Variants in BACH2 observed in about 807,000 individuals in gnomAD.
The protein encoded by BACH2 is BACH transcriptional regulator 2, also known as transcription regulator protein BACH2.
Under a neutral mutation model 61.8 loss-of-function variants are expected in BACH2, and 5 were observed. The observed-to-expected ratio is 0.08, with a 90% CI of 0.04 to 0.17. The LOEUF (loss-of-function observed/expected upper bound fraction) is 0.17, where lower values mean the gene tolerates loss of function less well. Among genes scored for constraint, BACH2 ranks in the 10% least tolerant of loss-of-function variants. The pLI is 1.00. For synonymous variants in BACH2, 446 were observed against 440.1 expected (o/e 1.01, Z -0.17); for missense variants, 824 against 1,091.1 (o/e 0.76, Z 3.45).
intron 3 of BACH2, among the ~76,000 whole-genome samples, chr6:90,239,579 G>A (rs550233126): frequency 6.6e-5 from 10 of 152,244 alleles, no homozygotes; most frequent in African/African-American, 2.4e-4. Flanking sequence ...ATGTATGCAT[G>A]TACATGCTTT....
At chr6:90,261,424 T>C (rs1307954870) in intron 2 of BACH2, among the ~76,000 whole-genome samples, 1 of 152,186 alleles carries the variant, frequency 6.6e-6, no homozygotes, top group African/African-American at 2.4e-5. Flanking sequence ...TCCCTTAGTA[T>C]CTAAGCTCCT....
chr6:90,269,174 G>A (rs973047464), intron 2 of BACH2, among the ~76,000 whole-genome samples: 3 of 152,100 alleles, frequency 2.0e-5, no homozygotes, highest in African/African-American at 7.2e-5. Context: ...GCAGGGTTAG[G>A]TGGGGCTAAG....
chr6:90,015,158 T>C (rs536204288), intron 5 of BACH2, among the ~76,000 whole-genome samples: 2 of 152,342 alleles, frequency 1.3e-5, no homozygotes, highest in Admixed American at 6.5e-5. Context: ...TTACTGATAC[T>C]GAAAATTTGT....
chr6:90,262,413 C>A (rs78467749), intron 2 of BACH2, among the ~76,000 whole-genome samples: 1,894 of 152,252 alleles, frequency 0.012, 46 homozygotes, highest in African/African-American at 0.043. Flanking sequence ...CATTCCCAGG[C>A]CATTCAAGTG....
At chr6:90,167,319 T>G (rs1378223438) in intron 4 of BACH2, among the ~76,000 whole-genome samples, 2 of 152,106 alleles carry the variant, frequency 1.3e-5, no homozygotes, top group African/African-American at 4.8e-5. Flanking sequence ...CCTAGGTGGG[T>G]GTCATTTTGG....
intron 1 of BACH2, among the ~76,000 whole-genome samples, chr6:90,295,151 T>C (rs1772300276): frequency 6.6e-6 from 1 of 151,822 alleles, no homozygotes; most frequent in South Asian, 2.1e-4. Flanking sequence ...CCGGTCCCTC[T>C]CGTTTCCTGG....
In BACH2 at chr6:90,097,017, A is replaced by G. The variant is rs561672912; in HGVS notation, c.-161-7908T>C. Among the ~76,000 whole-genome samples the G allele has an allele frequency of 9.8e-5, 15 of 152,300 alleles. No individual in the cohort carries two copies. The East Asian group carries it at 1.9e-3, about 20-fold the overall frequency. On this transcript the variant is annotated intron_variant, in intron 4 of 8. Transcript: ENST00000257749. Reference sequence around the variant, plus strand: ...TCAGGGCTGACTCCTGGCTTGTTGCATGCATCCCTAGTCCAGCCTGACATC... The same window carrying G: ...TCAGGGCTGACTCCTGGCTTGTTGCGTGCATCCCTAGTCCAGCCTGACATC...
chr6:90,251,469 T>C (rs1222784132), intron 3 of BACH2, among the ~76,000 whole-genome samples: 1 of 151,410 alleles, frequency 6.6e-6, no homozygotes, highest in Non-Finnish European at 1.5e-5. Context: ...TATAGAAACA[T>C]TTAAAAATAG....
rs148775276 is a variant in BACH2, at chr6:89,935,975, C to T, written c.2043+2169G>A. Among the ~76,000 whole-genome samples, 216 of 152,276 alleles carry T rather than the reference C, an allele frequency of 1.4e-3. 1 individual carries two copies. Among genetic ancestry groups the T allele is most frequent in the African/African-American group, 3.8e-3 (158 of 41,550 alleles). On this transcript the variant is annotated intron_variant, in intron 8 of 8. Coordinates refer to ENST00000257749, the MANE Select transcript of BACH2 (RefSeq NM_021813.4). ...ATTTAAATTAAATTTTGTTGTTTAA[C>T]GACATTAAACATGTTAAAGCAATAT...
chr6:90,279,845 C>A (rs1265921163), intron 1 of BACH2, among the ~76,000 whole-genome samples: 3 of 151,948 alleles, frequency 2.0e-5, no homozygotes, highest in African/African-American at 7.3e-5. Context: ...CTAGGAACAT[C>A]AAAAGAACAA....
At chr6:90,218,608 C>G (rs1769625682) in intron 3 of BACH2, among the ~76,000 whole-genome samples, 1 of 151,904 alleles carries the variant, frequency 6.6e-6, no homozygotes, top group Non-Finnish European at 1.5e-5. Flanking sequence ...AGTCTGGAGC[C>G]CTCCCAGGAG....
At chr6:89,988,640 A>G (rs754370754) in intron 6 of BACH2, among the ~76,000 whole-genome samples, 10 of 152,220 alleles carry the variant, frequency 6.6e-5, no homozygotes, top group Non-Finnish European at 1.2e-4. Context: ...ACGCAAGACA[A>G]TGAAATAAGG....
intron 4 of BACH2, among the ~76,000 whole-genome samples, chr6:90,142,286 C>G (rs975439025): frequency 3.3e-5 from 5 of 152,116 alleles, no homozygotes; most frequent in African/African-American, 1.2e-4. Context: ...ATCATTTGGG[C>G]TGTATGTGAT....
chr6:90,123,787 A>AG (rs1234229602), intron 4 of BACH2, among the ~76,000 whole-genome samples: 5 of 149,986 alleles, frequency 3.3e-5, no homozygotes, highest in Non-Finnish European at 7.4e-5. Context: ...AAAAAAAAAA[A>AG]AAAAAAGAAG....
At chr6:89,970,491 G>C (rs1347635170) in intron 6 of BACH2, among the ~76,000 whole-genome samples, 1 of 152,168 alleles carries the variant, frequency 6.6e-6, no homozygotes, top group Non-Finnish European at 1.5e-5. Context: ...ATTTATACAT[G>C]CATTTGTATA....
intron 5 of BACH2, among the ~76,000 whole-genome samples, 161 bp downstream of exon 5, chr6:90,088,800 C>T (rs1218997231): frequency 1.3e-5 from 2 of 152,096 alleles, no homozygotes; most frequent in African/African-American, 4.8e-5. Flanking sequence ...AGTTAAGGAA[C>T]CACCAATATA....
In BACH2 at chr6:90,173,234, T is replaced by C. The variant is rs1459578324; in HGVS notation, c.-162+33335A>G. The stretch of plus-strand genomic sequence containing the variant: ...GTCAAAATGAATATAAATGCATTAG[T>C]GCAATCAATAATTAGTGTAATCTGC... On this transcript the variant is annotated intron_variant, in intron 4 of 8. Transcript: ENST00000257749. 2.6e-5 allele frequency among the ~76,000 whole-genome samples: 4 copies of C among 152,066 alleles called. No individual in the cohort carries two copies. The South Asian group carries it at 6.2e-4, about 24-fold the overall frequency.
chr6:90,062,003 A>G (rs1780707748), intron 5 of BACH2, among the ~76,000 whole-genome samples: 1 of 152,204 alleles, frequency 6.6e-6, no homozygotes, highest in South Asian at 2.1e-4. Flanking sequence ...AGAATGTGAC[A>G]CAAGAAGTTT....
chr6:90,006,942 T>G (rs1326081535), intron 6 of BACH2, among the ~76,000 whole-genome samples: 1 of 152,122 alleles, frequency 6.6e-6, no homozygotes, highest in East Asian at 1.9e-4. Flanking sequence ...TATCAGCTGG[T>G]TGCCTTCCTG....
Sources: allele counts gnomAD v4.1 joint callset (sites outside exome capture counted in the v4.1 genomes callset), GRCh38; gene constraint gnomAD v4.1.1; transcripts MANE v1.5; gene names NCBI Gene and HGNC (gene_info 2026-07-23, HGNC 2026-07-21).